SPAG1: variants seen among roughly 807,000 people sequenced by gnomAD.
The protein encoded by SPAG1 is sperm associated antigen 1.
In SPAG1, 69 loss-of-function variants were observed where a neutral mutation model predicts 100.5. The observed-to-expected ratio is 0.69, with a 90% CI of 0.57 to 0.84. The LOEUF is 0.84. Among genes scored for constraint, SPAG1 ranks in the 40% least tolerant of loss-of-function variants. The pLI is 0.00. For synonymous variants in SPAG1, 336 were observed against 411.6 expected (o/e 0.82, Z 2.22); for missense variants, 955 against 1,133.1 (o/e 0.84, Z 2.26).
At position 100,183,858 on chromosome 8, in the gene SPAG1, TCCAAAGG is replaced by T. The variant is rs200516221; in HGVS notation, c.489-96_489-90del. Reference sequence around the variant, plus strand: ...CTTACTACATATTTTTGAATATGTATCCAAAGGCATACTTGTACAAATATAAGAATAT... The same window carrying T: ...CTTACTACATATTTTTGAATATGTATCATACTTGTACAAATATAAGAATAT... On this transcript the variant is annotated intron_variant, in intron 5 of 18. Coordinates refer to ENST00000388798, the MANE Select transcript of SPAG1 (RefSeq NM_003114.5). 0.027 allele frequency: 16,789 copies of T among 627,348 alleles called. 454 individuals are homozygous for T. Among genetic ancestry groups the T allele is most frequent in the Non-Finnish European group, 0.026 (9,332 of 359,118 alleles). The allele number at this position is 627,348 out of a possible 1,614,324, so 38.9% of individuals were successfully genotyped here.
At chr8:100,214,566 C>T (rs139501566) in intron 12 of SPAG1, among the ~76,000 whole-genome samples, 1 of 152,194 alleles carries the variant, frequency 6.6e-6, no homozygotes, top group Non-Finnish European at 1.5e-5. Context: ...CTGTTATCCA[C>T]TGAAGGGGGT....
At chr8:100,233,372 T>C (rs1260188939) in intron 15 of SPAG1, 39 bp from the exon 16 acceptor site, 2 of 1,608,936 alleles carry the variant, frequency 1.2e-6, no homozygotes, top group Admixed American at 3.4e-5. Context: ...TAGCCAATCT[T>C]TACCTTTCAT....
chr8:100,171,913 G>A (rs1193306194), intron 3 of SPAG1, among the ~76,000 whole-genome samples: 1 of 148,912 alleles, frequency 6.7e-6, no homozygotes, highest in Non-Finnish European at 1.5e-5. Flanking sequence ...TTTTTTTTCT[G>A]AGACGGAGTC....
intron 7 of SPAG1, among the ~76,000 whole-genome samples, chr8:100,186,258 A>C (rs1816584864): frequency 6.6e-6 from 1 of 151,664 alleles, no homozygotes; most frequent in Non-Finnish European, 1.5e-5. Context: ...TTTTGTAGAG[A>C]CAGGCTCTCA....
intron 15 of SPAG1, among the ~76,000 whole-genome samples, chr8:100,231,879 G>A (rs1818784774): frequency 6.6e-6 from 1 of 151,746 alleles, no homozygotes; most frequent in South Asian, 2.1e-4. Context: ...GGAGAATGGC[G>A]TGAACCCGGG....
chr8:100,209,115 A>G (rs1439039686), intron 10 of SPAG1, among the ~76,000 whole-genome samples: 1 of 152,058 alleles, frequency 6.6e-6, no homozygotes, highest in Non-Finnish European at 1.5e-5. Flanking sequence ...TGAAAAGGAG[A>G]GACTGGCCTA....
intron 12 of SPAG1, among the ~76,000 whole-genome samples, chr8:100,215,014 T>TGAA (rs1427139645): frequency 3.7e-5 from 2 of 53,750 alleles, no homozygotes; most frequent in Non-Finnish European, 3.9e-5. Flanking sequence ...TATATATATA[T>TGAA]ATATATATAT....
intron 4 of SPAG1, among the ~76,000 whole-genome samples, chr8:100,181,414 C>A (rs2132251822): frequency 6.6e-6 from 1 of 152,270 alleles, no homozygotes; most frequent in Admixed American, 6.5e-5. Flanking sequence ...ATATTAAATA[C>A]CCCTGATTTT....
At chr8:100,175,706 G>A (rs1816085833) in intron 3 of SPAG1, among the ~76,000 whole-genome samples, 1 of 152,168 alleles carries the variant, frequency 6.6e-6, no homozygotes, top group Non-Finnish European at 1.5e-5. Context: ...ATGGGATTCT[G>A]GATGGCCTGG....
chr8:100,237,103 CAG>C lies in SPAG1; in HGVS notation c.2116-2134_2116-2133del, dbSNP rs199521436. Among the ~76,000 whole-genome samples the C allele has an allele frequency of 6.7e-3, 1,022 of 152,150 alleles. 8 individuals are homozygous for C. Among genetic ancestry groups the C allele is most frequent in the Non-Finnish European group, 0.011 (750 of 68,002 alleles). On this transcript the variant is annotated intron_variant, in intron 16 of 18. Coordinates refer to ENST00000388798, the MANE Select transcript of SPAG1 (RefSeq NM_003114.5). ...GTTTGTTATTTGTTTATTTTTGAGA[CAG>C]AGTCTTGCTCTGTCACTCAGGCTGG...
intron 12 of SPAG1, among the ~76,000 whole-genome samples, chr8:100,218,158 T>TAAC (rs1489342949): frequency 6.6e-6 from 1 of 152,208 alleles, no homozygotes; most frequent in East Asian, 1.9e-4. Flanking sequence ...TTTAGGGTCT[T>TAAC]AACTGTGTTA....
intron 13 of SPAG1, among the ~76,000 whole-genome samples, chr8:100,221,827 A>G (rs1818295014): frequency 6.6e-6 from 1 of 152,250 alleles, no homozygotes; most frequent in South Asian, 2.1e-4. Flanking sequence ...ATGGTAATTC[A>G]AGGTAAGTTT....
chr8:100,213,121 C>T lies in SPAG1; in HGVS notation c.1128C>T (p.Ala376=), dbSNP rs757793042. 2.5e-4 allele frequency: 366 copies of T among 1,483,096 alleles called. No homozygotes were observed. Among genetic ancestry groups the T allele is most frequent in the Non-Finnish European group, 3.1e-4 (351 of 1,124,266 alleles). The allele number at this position is 1,483,096 out of a possible 1,614,324, so 91.9% of individuals were successfully genotyped here. A position where few individuals can be genotyped will look rare whatever the true frequency, so the allele number is the denominator to read the frequency against. ...CGGAGCCGGCGGGAGCCGCGCGCGC[C>T]GCCCAGCCGTGCGTCATGGGCAACA... The part of the protein sequence containing the change: ...KPAEPAGAAR[A]AQPCVMGNIQ... Residue 376 remains alanine, a synonymous_variant, in exon 11 of 19, where the codon GCC becomes GCT. Coordinates refer to ENST00000388798, the MANE Select transcript of SPAG1 (RefSeq NM_003114.5).
rs3098659 is a variant in SPAG1 at position 100,213,070 on chromosome 8, C to T, written c.1097-20C>T. 0.35 allele frequency: 505,488 copies of T among 1,439,426 alleles called. 90,831 individuals are homozygous for T. Among genetic ancestry groups the T allele is most frequent in the East Asian group, 0.49 (16,140 of 32,658 alleles). 89.2% of individuals were successfully genotyped at this position (1,439,426 alleles called of 1,614,324 possible). ...TCCCGGTGATGCAAACCCTCACTTCCCGCATCCACTTCCTCACAGAGCCCG... is the reference window on the plus strand; with the variant it reads ...TCCCGGTGATGCAAACCCTCACTTCTCGCATCCACTTCCTCACAGAGCCCG... On this transcript the variant is annotated intron_variant, in intron 10 of 18. Transcript: ENST00000388798.
chr8:100,186,139 C>T (rs1816580254), intron 7 of SPAG1, among the ~76,000 whole-genome samples: 1 of 140,518 alleles, frequency 7.1e-6, no homozygotes, highest in Non-Finnish European at 1.5e-5. Flanking sequence ...GATCATAGCT[C>T]GCTGCAGCCT....
chr8:100,231,955 CTG>C lies in SPAG1; in HGVS notation c.1988+669_1988+670del, dbSNP rs778246498. On this transcript the variant is annotated intron_variant, in intron 15 of 18. Coordinates refer to ENST00000388798, the MANE Select transcript of SPAG1 (RefSeq NM_003114.5). ...CTGGCCTGGGTGAAAGAGCAAGACT[CTG>C]TCTCAAAAAAAAAAAAAAATACTGT... Among the ~76,000 whole-genome samples the C allele has an allele frequency of 2.1e-3, 288 of 137,662 alleles. 2 individuals carry two copies. Among genetic ancestry groups the C allele is most frequent in the Admixed American group, 4.7e-3 (67 of 14,342 alleles). The allele number at this position is 137,662 out of a possible 152,430, so 90.3% of individuals were successfully genotyped here. A position where few individuals can be genotyped will look rare whatever the true frequency, so the allele number is the denominator to read the frequency against.
At position 100,237,581 on chromosome 8, in the gene SPAG1, A is replaced by T. The variant is rs149806823; in HGVS notation, c.2116-1659A>T. Among the ~76,000 whole-genome samples, 205 of 152,216 alleles carry T rather than the reference A, an allele frequency of 1.3e-3. 1 individual carries two copies. The highest frequency in any genetic ancestry group is 4.6e-3 in the African/African-American group (189 of 41,538). On this transcript the variant is annotated intron_variant, in intron 16 of 18. Transcript: ENST00000388798. ...TAGGACGTAAGCTTCCATAAATGTA[A>T]AACTTAAGTCTGTCTTTCTTTGTCT...
intron 7 of SPAG1, 98 bp from the exon 8 acceptor site, chr8:100,187,022 C>A: frequency 8.6e-7 from 1 of 1,163,482 alleles, no homozygotes; most frequent in Non-Finnish European, 1.2e-6. Context: ...AGCCCATAGA[C>A]AGGTTATAAT....
chr8:100,165,396 G>A (rs1294116395), intron 2 of SPAG1: 1 of 470,786 alleles, frequency 2.1e-6, no homozygotes, highest in East Asian at 6.0e-5. Context: ...TGCTGTGAAA[G>A]GTGTACTTTC....
Sources: allele counts gnomAD v4.1 joint callset (sites outside exome capture counted in the v4.1 genomes callset), GRCh38; gene constraint gnomAD v4.1.1; transcripts MANE v1.5; gene names NCBI Gene and HGNC (gene_info 2026-07-23, HGNC 2026-07-21).